The following CELF1 variants were observed in gnomAD, a reference collection of about 807,000 sequenced individuals.
CELF1 encodes the protein CUGBP Elav-like family member 1, also known as 50 kDa nuclear polyadenylated RNA-binding protein.
Under a neutral mutation model 61.8 loss-of-function variants are expected in CELF1, and 10 were observed. That is an observed-to-expected ratio of 0.16 (90% CI 0.10 to 0.27). The LOEUF (loss-of-function observed/expected upper bound fraction) is 0.27. CELF1 is among the 10% of genes least tolerant of loss of function. The pLI, the probability that CELF1 is intolerant of heterozygous loss-of-function variation, is 1.00. For missense variants in CELF1, 380 were observed against 639.1 expected (o/e 0.59, Z 4.37); for synonymous variants, 236 against 225.1 (o/e 1.05, Z -0.43).
intron 1 of CELF1, chr11:47,524,044 A>T (rs886496856): frequency 1.3e-5 from 2 of 152,172 alleles, no homozygotes. Flanking sequence ...CAAAGCACTC[A>T]AACAGCGCAA....
At chr11:47,509,552 TC>T (rs2094882975) in intron 1 of CELF1, among the ~76,000 whole-genome samples, 1 of 151,392 alleles carries the variant, frequency 6.6e-6, no homozygotes. Context: ...AGACCTTGTC[TC>T]CCCACCCCAC....
chr11:47,551,029 T>C (rs1372226182), intron 1 of CELF1, among the ~76,000 whole-genome samples: 1 of 78,168 alleles, frequency 1.3e-5, no homozygotes, highest in Non-Finnish European at 2.5e-5. Context: ...TTATTACTCG[T>C]GATATTGTTT....
chr11:47,519,749 G>A (rs2095779015), intron 1 of CELF1, among the ~76,000 whole-genome samples: 1 of 151,768 alleles, frequency 6.6e-6, no homozygotes, highest in African/African-American at 2.4e-5. Context: ...TGTAGTCCCC[G>A]CTACTCGGGA....
intron 1 of CELF1, among the ~76,000 whole-genome samples, chr11:47,547,921 C>T (rs1434251107): frequency 1.3e-5 from 2 of 152,026 alleles, no homozygotes; most frequent in South Asian, 2.1e-4. Context: ...GTTCTGTATG[C>T]GGTGATGAAA....
intron 2 of CELF1, among the ~76,000 whole-genome samples, chr11:47,560,598 A>G (rs984818501): frequency 3.3e-5 from 5 of 152,100 alleles, no homozygotes; most frequent in Non-Finnish European, 5.9e-5. Flanking sequence ...AGTGATTGCT[A>G]ATGGGTATAG....
intron 1 of CELF1, among the ~76,000 whole-genome samples, chr11:47,530,422 G>A (rs1241648501): frequency 6.6e-6 from 1 of 152,130 alleles, no homozygotes; most frequent in Non-Finnish European, 1.5e-5. Flanking sequence ...TGCTACTGAG[G>A]ACATATATCA....
intron 1 of CELF1, among the ~76,000 whole-genome samples, chr11:47,545,110 T>C (rs902561512): frequency 6.6e-6 from 1 of 152,092 alleles, no homozygotes; most frequent in Non-Finnish European, 1.5e-5. Context: ...CTGGCCAACA[T>C]GGCGAAACCC....
At chr11:47,559,895 A>G (rs1254861276) in intron 2 of CELF1, among the ~76,000 whole-genome samples, 1 of 151,826 alleles carries the variant, frequency 6.6e-6, no homozygotes, top group Non-Finnish European at 1.5e-5. Context: ...CCAGCTGCTC[A>G]GGAGGCTGAG....
At chr11:47,536,828 G>A (rs186477411) in intron 1 of CELF1, among the ~76,000 whole-genome samples, 35 of 152,144 alleles carry the variant, frequency 2.3e-4, no homozygotes, top group African/African-American at 7.0e-4. Context: ...GAAATAGCAC[G>A]CAATAAAAAC....
intron 1 of CELF1, among the ~76,000 whole-genome samples, chr11:47,538,340 G>A (rs760023816): frequency 6.6e-6 from 1 of 152,116 alleles, no homozygotes; most frequent in African/African-American, 2.4e-5. Flanking sequence ...TGTGTACCAG[G>A]TTGTATATAA....
At chr11:47,547,092 A>AAAAAAAAAG (rs2096979825) in intron 1 of CELF1, among the ~76,000 whole-genome samples, 1 of 143,566 alleles carries the variant, frequency 7.0e-6, no homozygotes, top group African/African-American at 2.5e-5. Flanking sequence ...AAAAAAAAAA[A>AAAAAAAAAG]AGAAAGAAAG....
At chr11:47,478,587 G>C (rs548962176) in intron 10 of CELF1, among the ~76,000 whole-genome samples, 3 of 152,110 alleles carry the variant, frequency 2.0e-5, no homozygotes, top group Non-Finnish European at 4.4e-5. Context: ...CCTTATCAGA[G>C]AACAGCCTCA....
In CELF1 at chr11:47,551,781, A is replaced by C. The variant is rs1356455014; in HGVS notation, c.-154+1211T>G. On this transcript the variant is annotated intron_variant, in intron 1 of 14. Transcript: ENST00000687097. ...TAATCCCCAGCACTCTGGGAGGTCG[A>C]GGCGGGTGGATCACCCGAGGTCAGG... Among the ~76,000 whole-genome samples, 3 of 152,200 alleles carry C rather than the reference A, an allele frequency of 2.0e-5. No individual in the cohort carries two copies. The East Asian group carries it at 5.8e-4, about 29-fold the overall frequency.
At chr11:47,548,431 A>G (rs1007801467) in intron 1 of CELF1, among the ~76,000 whole-genome samples, 2 of 152,262 alleles carry the variant, frequency 1.3e-5, no homozygotes, top group East Asian at 3.8e-4. Flanking sequence ...TGCGCAGGCA[A>G]CAAAACCAGA....
At chr11:47,511,629 T>G (rs2095179494) in intron 1 of CELF1, among the ~76,000 whole-genome samples, 1 of 152,200 alleles carries the variant, frequency 6.6e-6, no homozygotes, top group South Asian at 2.1e-4. Flanking sequence ...TTTTTGAGCA[T>G]TTACCATACA....
At chr11:47,548,594 G>A (rs1389106877) in intron 1 of CELF1, among the ~76,000 whole-genome samples, 4 of 151,960 alleles carry the variant, frequency 2.6e-5, no homozygotes, top group Admixed American at 6.6e-5. Context: ...GGCTGGGTGC[G>A]GTGGCTCACA....
At chr11:47,548,778 A>G (rs2097053994) in intron 1 of CELF1, among the ~76,000 whole-genome samples, 2 of 150,026 alleles carry the variant, frequency 1.3e-5, no homozygotes, top group Non-Finnish European at 3.0e-5. Flanking sequence ...AGGCAGGAGA[A>G]TGGCTTGAAC....
chr11:47,536,171 C>T (rs1193916231), intron 1 of CELF1, among the ~76,000 whole-genome samples: 3 of 151,982 alleles, frequency 2.0e-5, no homozygotes, highest in Admixed American at 1.3e-4. Context: ...GAGTTTGAGA[C>T]CAGCCTAGCC....
intron 9 of CELF1, among the ~76,000 whole-genome samples, chr11:47,482,033 T>C (rs971567936): frequency 6.6e-6 from 1 of 152,054 alleles, no homozygotes; most frequent in African/African-American, 2.4e-5. Context: ...TGAAAGCCCA[T>C]CCCTACTAGA....
Sources: gnomAD v4.1 joint callset for allele counts (sites outside exome capture counted in the v4.1 genomes callset) on GRCh38, gnomAD v4.1.1 for gene constraint, MANE v1.5 for transcripts, NCBI Gene and HGNC (gene_info 2026-07-23, HGNC 2026-07-21) for gene names.